Variants in YAE1 observed in about 807,000 individuals in gnomAD.
The protein encoded by YAE1 is YAE1 maturation factor of ABCE1.
A neutral mutation model predicts 23.0 loss-of-function variants in YAE1; 22 were observed. The ratio of observed to expected loss-of-function variants is 0.96; its 90% CI spans 0.68 to 1.37. The LOEUF is 1.37. Ranked by LOEUF, YAE1 falls within the 40% of genes most tolerant of loss-of-function variation. YAE1 has a pLI of 0.00. For missense variants in YAE1, 260 were observed against 262.1 expected (o/e 0.99, Z 0.06); for synonymous variants, 101 against 97.0 (o/e 1.04, Z -0.24).
intron 2 of YAE1, among the ~76,000 whole-genome samples, chr7:39,604,460 G>A (rs1447129853): frequency 6.6e-6 from 1 of 152,118 alleles, no homozygotes; most frequent in African/African-American, 2.4e-5. Context: ...CAAAATCAGG[G>A]TTTTAGGTAT....
intron 2 of YAE1, among the ~76,000 whole-genome samples, chr7:39,587,496 T>C (rs1252885913): frequency 6.6e-6 from 1 of 152,222 alleles, no homozygotes; most frequent in African/African-American, 2.4e-5. Flanking sequence ...TAATATACAC[T>C]GAATTTTCCA....
At chr7:39,593,831 T>C (rs966660966) in intron 2 of YAE1, among the ~76,000 whole-genome samples, 3 of 152,206 alleles carry the variant, frequency 2.0e-5, no homozygotes, top group Non-Finnish European at 4.4e-5. Context: ...ATGTTTTCTT[T>C]TACATCCTTA....
chr7:39,600,538 C>T (rs1291627781), intron 2 of YAE1, among the ~76,000 whole-genome samples: 1 of 152,166 alleles, frequency 6.6e-6, no homozygotes, highest in African/African-American at 2.4e-5. Context: ...GCTGGGATTA[C>T]AGGCATGTGC....
chr7:39,608,389 C>T (rs1460234714), intron 2 of YAE1, among the ~76,000 whole-genome samples: 5 of 151,778 alleles, frequency 3.3e-5, no homozygotes, highest in South Asian at 4.2e-4. Context: ...CAAGAGAAGA[C>T]GTAGGGATTG....
At chr7:39,568,052 G>A (rs1373672782) in intron 1 of YAE1, among the ~76,000 whole-genome samples, 1 of 151,916 alleles carries the variant, frequency 6.6e-6, no homozygotes, top group Non-Finnish European at 1.5e-5. Flanking sequence ...ATATAAAAAT[G>A]TGTGGCGAAA....
At chr7:39,587,750 G>T (rs565487370) in intron 2 of YAE1, among the ~76,000 whole-genome samples, 1 of 151,996 alleles carries the variant, frequency 6.6e-6, no homozygotes, top group South Asian at 2.1e-4. Flanking sequence ...TACAATCAAG[G>T]CCTTATAACT....
chr7:39,571,276 CTT>C (rs58497539), intron 2 of YAE1, among the ~76,000 whole-genome samples: 120 of 135,882 alleles, frequency 8.8e-4, no homozygotes, highest in Middle Eastern at 3.7e-3. Flanking sequence ...TTTCTTTTTT[CTT>C]TTTTTTTTTT....
chr7:39,570,160 G>T, intron 1 of YAE1: 2 of 742,146 alleles, frequency 2.7e-6, no homozygotes, highest in South Asian at 1.7e-5. Flanking sequence ...ACAGTACCAG[G>T]ACTGCCAGCG....
intron 1 of YAE1, chr7:39,569,417 T>C (rs1366727810): frequency 1.3e-5 from 6 of 475,270 alleles, no homozygotes; most frequent in African/African-American, 6.1e-5. Context: ...TGTTGTGTTA[T>C]GGCATTCTGT....
At chr7:39,577,750 G>A (rs889180639), downstream of YAE1, among the ~76,000 whole-genome samples, 1 of 152,204 alleles carries the variant, frequency 6.6e-6, no homozygotes, top group African/African-American at 2.4e-5. Context: ...TGCTGCGCCC[G>A]GTCCCATGGA....
downstream of YAE1, among the ~76,000 whole-genome samples, chr7:39,577,764 C>T (rs1383946129): frequency 1.3e-5 from 2 of 152,246 alleles, no homozygotes; most frequent in Non-Finnish European, 2.9e-5. Flanking sequence ...CCATGGACTG[C>T]CCAAGGGCTG....
At chr7:39,591,526 T>A (rs368668013) in intron 2 of YAE1, among the ~76,000 whole-genome samples, 43 of 152,340 alleles carry the variant, frequency 2.8e-4, no homozygotes, top group African/African-American at 1.0e-3. Flanking sequence ...AGACTTTATT[T>A]TTTGGAGAAG....
intron 2 of YAE1, among the ~76,000 whole-genome samples, chr7:39,598,269 C>A (rs1791006150): frequency 6.6e-6 from 1 of 151,968 alleles, no homozygotes; most frequent in Non-Finnish European, 1.5e-5. Context: ...GCCACCATGC[C>A]AAGCTAATTT....
chr7:39,590,729 C>A (rs1583678676), intron 2 of YAE1, among the ~76,000 whole-genome samples: 1 of 152,194 alleles, frequency 6.6e-6, no homozygotes, highest in Non-Finnish European at 1.5e-5. Context: ...GAAGTCAGAT[C>A]TGGAACTTTC....
chr7:39,609,966 A>G, exon 3 of YAE1: 1 of 1,519,744 alleles, frequency 6.6e-7, no homozygotes, highest in Non-Finnish European at 8.8e-7. Flanking sequence ...TAGAATCATT[A>G]TCAGAGGTGG....
chr7:39,569,762 A>G, intron 1 of YAE1: 1 of 753,970 alleles, frequency 1.3e-6, no homozygotes, highest in Non-Finnish European at 2.5e-6. Context: ...TCATCTGAAC[A>G]GAACCTGAAA....
At chr7:39,609,972 G>A in exon 3 of YAE1, 3 of 1,519,470 alleles carry the variant, frequency 2.0e-6, no homozygotes, top group Non-Finnish European at 2.6e-6. Context: ...CATTATCAGA[G>A]GTGGACACAT....
At chr7:39,583,540 G>A (rs1451525041) in intron 2 of YAE1, among the ~76,000 whole-genome samples, 1 of 152,220 alleles carries the variant, frequency 6.6e-6, no homozygotes, top group Non-Finnish European at 1.5e-5. Flanking sequence ...AGATTTGAAA[G>A]AGAATATGAT....
chr7:39,569,391 T>C, intron 1 of YAE1: 1 of 433,458 alleles, frequency 2.3e-6, no homozygotes, highest in South Asian at 2.1e-5. Flanking sequence ...CTGTGACCAG[T>C]GATGGACCCA....
Sources: allele counts gnomAD v4.1 joint callset (sites outside exome capture counted in the v4.1 genomes callset), GRCh38; gene constraint gnomAD v4.1.1; transcripts MANE v1.5; gene names NCBI Gene and HGNC (gene_info 2026-07-23, HGNC 2026-07-21).